The following CAMKMT variants were observed in gnomAD, a reference collection of about 807,000 sequenced individuals.
CAMKMT encodes calmodulin-lysine N-methyltransferase.
A neutral mutation model predicts 48.0 loss-of-function variants in CAMKMT; 53 were observed. That is an observed-to-expected ratio of 1.10 (90% confidence interval 0.89 to 1.39). The LOEUF (loss-of-function observed/expected upper bound fraction) is 1.39, where lower values mean the gene tolerates loss of function less well. CAMKMT is among the 40% of genes most tolerant of loss of function. The pLI is 0.00. For missense variants in CAMKMT, 428 were observed against 402.7 expected (o/e 1.06, Z -0.54); for synonymous variants, 165 against 152.3 (o/e 1.08, Z -0.61).
chr2:44,684,213 G>C (rs1373626185), intron 3 of CAMKMT, among the ~76,000 whole-genome samples: 1 of 152,192 alleles, frequency 6.6e-6, no homozygotes, highest in Admixed American at 6.5e-5. Context: ...TAGAGACCGT[G>C]ATGACTTCTC....
chr2:44,425,942 G>T (rs1161947138), intron 3 of CAMKMT, among the ~76,000 whole-genome samples: 1 of 152,098 alleles, frequency 6.6e-6, no homozygotes, highest in Non-Finnish European at 1.5e-5. Flanking sequence ...TGTTGGTCAG[G>T]CTGGTCTCGA....
At position 44,553,364 on chromosome 2, in the gene CAMKMT, CTTTT is replaced by C. The variant is rs11355850; in HGVS notation, c.377-150906_377-150903del. On this transcript the variant is annotated intron_variant, in intron 3 of 10. Transcript: ENST00000378494. ...ACATCTTTTCATTCAGAGTGAGACA[CTTTT>C]TTTTTTTTTTTTGGGACAGTCTCGC... Among the ~76,000 whole-genome samples the C allele has an allele frequency of 2.5e-3, 346 of 141,216 alleles. 1 individual carries two copies. Among genetic ancestry groups the C allele is most frequent in the African/African-American group, 8.5e-3 (330 of 38,698 alleles). The allele number at this position is 141,216 out of a possible 152,430, so 92.6% of individuals were successfully genotyped here. A position where few individuals can be genotyped will look rare whatever the true frequency, so the allele number is the denominator to read the frequency against.
At chr2:44,491,945 A>G (rs1669529170) in intron 3 of CAMKMT, among the ~76,000 whole-genome samples, 2 of 152,324 alleles carry the variant, frequency 1.3e-5, no homozygotes, top group East Asian at 1.9e-4. Flanking sequence ...TAGTTCTACT[A>G]ATATTACTGA....
intron 3 of CAMKMT, among the ~76,000 whole-genome samples, chr2:44,418,560 G>A (rs561116022): frequency 8.5e-5 from 13 of 152,196 alleles, no homozygotes; most frequent in South Asian, 4.1e-4. Context: ...ACCCAAATAC[G>A]TGTTAGTCTT....
chr2:44,472,165 G>A (rs1668455537), intron 3 of CAMKMT, among the ~76,000 whole-genome samples: 1 of 152,112 alleles, frequency 6.6e-6, no homozygotes, highest in Non-Finnish European at 1.5e-5. Flanking sequence ...CCGCTCCCTG[G>A]GTTCACGCCA....
At chr2:44,388,158 G>T (rs1432274294) in intron 2 of CAMKMT, among the ~76,000 whole-genome samples, 1 of 151,946 alleles carries the variant, frequency 6.6e-6, no homozygotes, top group Non-Finnish European at 1.5e-5. Context: ...CTTCAGTTTG[G>T]TCATTTAACA....
intron 3 of CAMKMT, among the ~76,000 whole-genome samples, chr2:44,405,607 T>C (rs1031546585): frequency 6.6e-6 from 1 of 152,034 alleles, no homozygotes; most frequent in Non-Finnish European, 1.5e-5. Context: ...TTGTTTCAAG[T>C]ATGTGTTACT....
chr2:44,381,875 T>C (rs1680274941), intron 2 of CAMKMT, among the ~76,000 whole-genome samples: 1 of 152,164 alleles, frequency 6.6e-6, no homozygotes, highest in Non-Finnish European at 1.5e-5. Flanking sequence ...ATATTGCTTT[T>C]ATATTAAAAC....
intron 3 of CAMKMT, among the ~76,000 whole-genome samples, chr2:44,490,764 C>G (rs989473811): frequency 1.3e-5 from 2 of 152,042 alleles, no homozygotes; most frequent in African/African-American, 4.8e-5. Flanking sequence ...CTAAATTCAG[C>G]TTTACTATTT....
intron 3 of CAMKMT, among the ~76,000 whole-genome samples, chr2:44,420,953 A>G (rs1004190938): frequency 3.9e-5 from 6 of 152,104 alleles, no homozygotes; most frequent in African/African-American, 1.4e-4. Context: ...AGAGGATCAC[A>G]AAGAAAGTGC....
chr2:44,473,841 C>G (rs1049101333), intron 3 of CAMKMT, among the ~76,000 whole-genome samples: 1 of 152,164 alleles, frequency 6.6e-6, no homozygotes, highest in Non-Finnish European at 1.5e-5. Flanking sequence ...TGTGCCTGAT[C>G]TTTGGTTATT....
chr2:44,670,881 T>G (rs1675289742), intron 3 of CAMKMT, among the ~76,000 whole-genome samples: 1 of 152,142 alleles, frequency 6.6e-6, no homozygotes, highest in Non-Finnish European at 1.5e-5. Flanking sequence ...CCATGGTTCC[T>G]TAGAGATTAC....
chr2:44,650,398 C>G (rs1443863940), intron 3 of CAMKMT, among the ~76,000 whole-genome samples: 2 of 152,162 alleles, frequency 1.3e-5, no homozygotes, highest in Non-Finnish European at 2.9e-5. Context: ...TGCAGTGACC[C>G]TGTTTCCAAA....
intron 2 of CAMKMT, among the ~76,000 whole-genome samples, chr2:44,377,170 C>G (rs534466105): frequency 2.0e-5 from 3 of 151,964 alleles, no homozygotes; most frequent in Non-Finnish European, 4.4e-5. Flanking sequence ...CCATGCCCAG[C>G]TAATTTTTGT....
intron 3 of CAMKMT, among the ~76,000 whole-genome samples, chr2:44,634,223 TCTC>T (rs1672997038): frequency 1.3e-5 from 2 of 152,080 alleles, no homozygotes; most frequent in South Asian, 4.2e-4. Flanking sequence ...AGCTCCCTCT[TCTC>T]TGGTATTGTG....
intron 1 of CAMKMT, among the ~76,000 whole-genome samples, chr2:44,366,972 A>G (rs1678660914): frequency 6.6e-6 from 1 of 152,026 alleles, no homozygotes; most frequent in Non-Finnish European, 1.5e-5. Flanking sequence ...CAATCTGCCC[A>G]CCTCAGCCTC....
chr2:44,726,114 G>A (rs998659304), intron 7 of CAMKMT, among the ~76,000 whole-genome samples: 9 of 152,168 alleles, frequency 5.9e-5, no homozygotes, highest in African/African-American at 2.2e-4. Context: ...CTTTTTGGTA[G>A]AATGATTTGT....
chr2:44,573,320 G>T (rs1193358447), intron 3 of CAMKMT, among the ~76,000 whole-genome samples: 1 of 151,872 alleles, frequency 6.6e-6, no homozygotes, highest in Non-Finnish European at 1.5e-5. Flanking sequence ...ATAATATTAT[G>T]AGTAGTAATG....
chr2:44,506,906 C>T (rs1670289070), intron 3 of CAMKMT, among the ~76,000 whole-genome samples: 1 of 152,060 alleles, frequency 6.6e-6, no homozygotes, highest in Admixed American at 6.6e-5. Flanking sequence ...ATCTTCAAAT[C>T]TGAAATGTTT....
Sources: allele counts gnomAD v4.1 joint callset (sites outside exome capture counted in the v4.1 genomes callset), GRCh38; gene constraint gnomAD v4.1.1; transcripts MANE v1.5; gene names NCBI Gene and HGNC (gene_info 2026-07-23, HGNC 2026-07-21).